The following HDAC9 variants were observed in gnomAD, a reference collection of about 807,000 sequenced individuals.
HDAC9 encodes histone deacetylase 9.
HDAC9 carries 41 observed loss-of-function variants against 139.4 expected under a neutral mutation model. The ratio of observed to expected loss-of-function variants is 0.29; its 90% CI spans 0.23 to 0.38. The LOEUF is 0.38. HDAC9 is among the 10% of genes least tolerant of loss of function. HDAC9 has a pLI of 1.00. For missense variants in HDAC9, 1,147 were observed against 1,297.0 expected (o/e 0.88, Z 1.78); for synonymous variants, 517 against 476.2 (o/e 1.09, Z -1.12).
At chr7:18,438,081 T>C (rs968801716) in intron 1 of HDAC9, among the ~76,000 whole-genome samples, 4 of 150,316 alleles carry the variant, frequency 2.7e-5, no homozygotes, top group Admixed American at 2.0e-4. Flanking sequence ...AGTTTATATA[T>C]ATAATAAATT....
intron 1 of HDAC9, among the ~76,000 whole-genome samples, chr7:18,407,913 GA>G (rs1788165528): frequency 6.6e-6 from 1 of 152,152 alleles, no homozygotes; most frequent in Admixed American, 6.6e-5. Flanking sequence ...TTCAGATAGA[GA>G]TAATAAAATC....
chr7:18,563,681 T>A (rs993646619), intron 2 of HDAC9, among the ~76,000 whole-genome samples: 2 of 152,114 alleles, frequency 1.3e-5, no homozygotes, highest in African/African-American at 4.8e-5. Context: ...ATACTCTATA[T>A]CTTTGGTATG....
intron 24 of HDAC9, among the ~76,000 whole-genome samples, chr7:18,969,056 T>A (rs1301597265): frequency 6.7e-6 from 1 of 149,432 alleles, no homozygotes; most frequent in Non-Finnish European, 1.5e-5. Context: ...GAGATGAAGT[T>A]GCCACACACA....
At chr7:18,252,525 A>G (rs1019435669) in intron 2 of HDAC9, among the ~76,000 whole-genome samples, 1 of 152,164 alleles carries the variant, frequency 6.6e-6, no homozygotes, top group Non-Finnish European at 1.5e-5. Context: ...CAGAAATATC[A>G]AAATTAGGAA....
intron 17 of HDAC9, among the ~76,000 whole-genome samples, chr7:18,822,347 TTTGTTGTTG>T (rs3085431): frequency 6.7e-5 from 10 of 149,984 alleles, no homozygotes; most frequent in Middle Eastern, 3.5e-3. Flanking sequence ...TGTTTGTTTG[TTTGTTGTTG>T]TTGTTGTTGT....
At chr7:18,118,880 G>A (rs982752682) in intron 1 of HDAC9, among the ~76,000 whole-genome samples, 3 of 152,146 alleles carry the variant, frequency 2.0e-5, no homozygotes, top group African/African-American at 7.2e-5. Context: ...GGGTAGTATG[G>A]GAAATCGGAA....
intron 1 of HDAC9, among the ~76,000 whole-genome samples, chr7:18,463,375 G>T (rs906959390): frequency 6.6e-6 from 1 of 151,896 alleles, no homozygotes; most frequent in East Asian, 1.9e-4. Flanking sequence ...TGTGTGTGGG[G>T]CAAGGGGAGG....
chr7:18,920,781 T>C (rs997814523), intron 22 of HDAC9, among the ~76,000 whole-genome samples: 9 of 152,186 alleles, frequency 5.9e-5, no homozygotes, highest in African/African-American at 2.2e-4. Flanking sequence ...GTTCTGTTTA[T>C]ATGCTGGATT....
intron 25 of HDAC9, among the ~76,000 whole-genome samples, chr7:18,980,715 C>CTCTTCTTCTTCCTTCTTCT (rs1310717761): frequency 7.5e-6 from 1 of 133,466 alleles, no homozygotes; most frequent in Non-Finnish European, 1.6e-5. Context: ...TTCCTTCTTC[C>CTCTTCTTCTTCCTTCTTCT]TCTTCTTCTT....
intron 2 of HDAC9, among the ~76,000 whole-genome samples, chr7:18,221,162 G>A (rs909781400): frequency 6.7e-6 from 1 of 149,908 alleles, no homozygotes; most frequent in East Asian, 1.9e-4. Flanking sequence ...GAGTACAGTG[G>A]TGCAATCTGG....
At chr7:18,366,042 AT>A (rs1367429800) in intron 1 of HDAC9, among the ~76,000 whole-genome samples, 1 of 151,888 alleles carries the variant, frequency 6.6e-6, no homozygotes, top group African/African-American at 2.4e-5. Flanking sequence ...TGGTTGAAAA[AT>A]CAAATGGCAG....
At chr7:18,270,780 T>C (rs911656623) in intron 2 of HDAC9, among the ~76,000 whole-genome samples, 4 of 152,184 alleles carry the variant, frequency 2.6e-5, no homozygotes, top group African/African-American at 9.6e-5. Flanking sequence ...TCTTTTTCTT[T>C]GGTCTTCTGA....
chr7:18,697,372 TA>T (rs1247352014), intron 12 of HDAC9, among the ~76,000 whole-genome samples: 5 of 152,148 alleles, frequency 3.3e-5, no homozygotes, highest in African/African-American at 1.2e-4. Flanking sequence ...CTGACAAGTA[TA>T]AAAAACAGGT....
intron 12 of HDAC9, among the ~76,000 whole-genome samples, chr7:18,727,222 A>G (rs1008886702): frequency 6.6e-6 from 1 of 152,204 alleles, no homozygotes; most frequent in Middle Eastern, 3.2e-3. Flanking sequence ...GTTGTGTGGC[A>G]GTTCTGGGGC....
At position 18,518,678 on chromosome 7, in the gene HDAC9, C is replaced by T. The variant is rs181969769; in HGVS notation, c.22+22354C>T. On this transcript the variant is annotated intron_variant, in intron 2 of 25. Transcript: ENST00000686413. ...AAGCTTGTCCCACCTCCATTAAAGC[C>T]GACTGCTGTATTTAACTGGCCCTGA... 1.9e-3 allele frequency among the ~76,000 whole-genome samples: 292 copies of T among 152,238 alleles called. 1 individual carries two copies. The highest frequency in any genetic ancestry group is 6.4e-3 in the African/African-American group (267 of 41,550).
At chr7:18,720,808 G>A (rs999406862) in intron 12 of HDAC9, among the ~76,000 whole-genome samples, 1 of 151,574 alleles carries the variant, frequency 6.6e-6, no homozygotes, top group Non-Finnish European at 1.5e-5. Flanking sequence ...CAGCCTCCTG[G>A]GACTACAGGC....
At chr7:18,931,762 A>T (rs1042144607) in intron 22 of HDAC9, among the ~76,000 whole-genome samples, 1 of 152,172 alleles carries the variant, frequency 6.6e-6, no homozygotes, top group African/African-American at 2.4e-5. Flanking sequence ...ATTCTAGTGA[A>T]TACATCCTGA....
At chr7:18,185,285 C>G (rs1789816634) in intron 2 of HDAC9, among the ~76,000 whole-genome samples, 1 of 152,162 alleles carries the variant, frequency 6.6e-6, no homozygotes, top group Non-Finnish European at 1.5e-5. Flanking sequence ...AAAGTCTGAA[C>G]CAGGACCACC....
At chr7:18,310,740 C>T (rs1258491282) in intron 1 of HDAC9, among the ~76,000 whole-genome samples, 1 of 151,612 alleles carries the variant, frequency 6.6e-6, no homozygotes, top group Admixed American at 6.6e-5. Flanking sequence ...TGTTAACTTA[C>T]AGCTATAGAA....
Sources: gnomAD v4.1 joint callset for allele counts (sites outside exome capture counted in the v4.1 genomes callset) on GRCh38, gnomAD v4.1.1 for gene constraint, MANE v1.5 for transcripts, NCBI Gene and HGNC (gene_info 2026-07-23, HGNC 2026-07-21) for gene names.